Variants in C8orf34 observed in about 807,000 individuals in gnomAD.
C8orf34 encodes the protein uncharacterized protein C8orf34.
Under a neutral mutation model 68.3 loss-of-function variants are expected in C8orf34, and 65 were observed. That is an observed-to-expected ratio of 0.95 (90% confidence interval 0.78 to 1.17). C8orf34 has a LOEUF of 1.17. C8orf34 is among the 50% of genes most tolerant of loss of function. The pLI is 0.00. For missense variants in C8orf34, 664 were observed against 655.4 expected, an observed-to-expected ratio of 1.01 and a Z score of -0.14; for synonymous variants, 244 against 241.2, an observed-to-expected ratio of 1.01 and a Z score of -0.11.
At chr8:68,632,000 T>C (rs1334955540) in intron 7 of C8orf34, among the ~76,000 whole-genome samples, 1 of 152,166 alleles carries the variant, frequency 6.6e-6, no homozygotes, top group Non-Finnish European at 1.5e-5. Context: ...TGCCTAAAGA[T>C]ACCTAAAAAT....
At chr8:68,417,120 A>G (rs1809706812) in intron 1 of C8orf34, among the ~76,000 whole-genome samples, 1 of 152,180 alleles carries the variant, frequency 6.6e-6, no homozygotes, top group Non-Finnish European at 1.5e-5. Flanking sequence ...AATTCATAAC[A>G]TCATTTTAAA....
At chr8:68,425,241 C>T (rs1217896795) in intron 1 of C8orf34, among the ~76,000 whole-genome samples, 1 of 152,152 alleles carries the variant, frequency 6.6e-6, no homozygotes, top group Non-Finnish European at 1.5e-5. Flanking sequence ...GATGTTCACT[C>T]TAACCATTGC....
chr8:68,604,367 ATT>A (rs1817791287), intron 7 of C8orf34, among the ~76,000 whole-genome samples: 1 of 152,120 alleles, frequency 6.6e-6, no homozygotes, highest in South Asian at 2.1e-4. Context: ...GGAATAAAAG[ATT>A]TAAATGACAA....
chr8:68,459,339 C>A (rs913526162), intron 3 of C8orf34, among the ~76,000 whole-genome samples: 1 of 152,120 alleles, frequency 6.6e-6, no homozygotes, highest in African/African-American at 2.4e-5. Flanking sequence ...AAGTGATTCT[C>A]CTGCCTCAGC....
chr8:68,369,849 A>G (rs1383150079), intron 1 of C8orf34, among the ~76,000 whole-genome samples: 1 of 152,200 alleles, frequency 6.6e-6, no homozygotes, highest in Admixed American at 6.5e-5. Context: ...TTCGAGTATC[A>G]TTGGATCTAC....
intron 7 of C8orf34, among the ~76,000 whole-genome samples, chr8:68,621,270 T>C (rs1818381760): frequency 6.6e-6 from 1 of 152,110 alleles, no homozygotes; most frequent in South Asian, 2.1e-4. Context: ...GTGTCTTCTA[T>C]GAAAAGCTGC....
At chr8:68,530,475 A>G (rs1239979928) in intron 6 of C8orf34, 6 of 267,590 alleles carry the variant, frequency 2.2e-5, no homozygotes, top group Non-Finnish European at 3.8e-5. Flanking sequence ...TCAGCTTAAC[A>G]TGTTAGATCT....
intron 9 of C8orf34, 56 bp downstream of exon 9, chr8:68,709,135 A>G: frequency 7.3e-7 from 1 of 1,362,836 alleles, no homozygotes; most frequent in South Asian, 1.2e-5. Flanking sequence ...TAAAGATTAA[A>G]GAAGTAAAGG....
chr8:68,380,960 A>G (rs1332550264), intron 1 of C8orf34, among the ~76,000 whole-genome samples: 1 of 152,236 alleles, frequency 6.6e-6, no homozygotes, highest in East Asian at 1.9e-4. Context: ...ATGATAAAAT[A>G]TAAGCAAAAA....
At chr8:68,560,857 T>A (rs539388249) in intron 7 of C8orf34, among the ~76,000 whole-genome samples, 15 of 152,308 alleles carry the variant, frequency 9.8e-5, no homozygotes, top group African/African-American at 3.4e-4. Flanking sequence ...TACTGTAGAC[T>A]CTGTAAACAC....
intron 1 of C8orf34, among the ~76,000 whole-genome samples, chr8:68,345,431 A>G (rs879871526): frequency 8.6e-5 from 13 of 152,020 alleles, no homozygotes; most frequent in Non-Finnish European, 1.6e-4. Context: ...CAAAAAGTGC[A>G]AGAATTCATA....
chr8:68,799,604 T>A (rs559599622), intron 12 of C8orf34, among the ~76,000 whole-genome samples: 1 of 152,184 alleles, frequency 6.6e-6, no homozygotes, highest in African/African-American at 2.4e-5. Flanking sequence ...ATAAACCCTA[T>A]GGGCCAGATT....
intron 1 of C8orf34, among the ~76,000 whole-genome samples, chr8:68,349,008 A>G (rs1353351094): frequency 6.6e-6 from 1 of 152,024 alleles, no homozygotes; most frequent in Non-Finnish European, 1.5e-5. Flanking sequence ...ACTATGTTGA[A>G]TAGAAGTGGT....
At chr8:68,623,369 G>A (rs927694751) in intron 7 of C8orf34, among the ~76,000 whole-genome samples, 1 of 152,042 alleles carries the variant, frequency 6.6e-6, no homozygotes, top group African/African-American at 2.4e-5. Context: ...TTACTTGTGG[G>A]GGGCTGGCCT....
intron 7 of C8orf34, chr8:68,535,381 G>A (rs1815421958): frequency 1.0e-6 from 1 of 984,484 alleles, no homozygotes; most frequent in South Asian, 4.7e-5. Flanking sequence ...GATATAACTG[G>A]CTGAAAAATA....
chr8:68,777,969 A>G (rs1209907968), intron 11 of C8orf34, among the ~76,000 whole-genome samples: 2 of 152,294 alleles, frequency 1.3e-5, no homozygotes, highest in East Asian at 3.9e-4. Flanking sequence ...ATTACTCAGT[A>G]CTTTCATTTA....
chr8:68,567,749 C>T, intron 7 of C8orf34, among the ~76,000 whole-genome samples: 2 of 147,822 alleles, frequency 1.4e-5, no homozygotes. Flanking sequence ...TTTTTGGTTT[C>T]AATTTCATTT....
intron 10 of C8orf34, among the ~76,000 whole-genome samples, chr8:68,757,729 T>G (rs926746906): frequency 3.3e-5 from 5 of 152,226 alleles, no homozygotes; most frequent in Non-Finnish European, 5.9e-5. Flanking sequence ...TAGGCCAAGC[T>G]GAATTTTGAT....
chr8:68,409,944 G>A (rs901472843), intron 1 of C8orf34, among the ~76,000 whole-genome samples: 10 of 152,140 alleles, frequency 6.6e-5, no homozygotes, highest in African/African-American at 2.4e-4. Context: ...GTAACATGCT[G>A]TGCAGGTTAG....
Sources: allele counts gnomAD v4.1 joint callset (sites outside exome capture counted in the v4.1 genomes callset), GRCh38; gene constraint gnomAD v4.1.1; transcripts MANE v1.5; gene names NCBI Gene and HGNC (gene_info 2026-07-23, HGNC 2026-07-21).